The following SND1 variants were observed in gnomAD, a reference collection of about 807,000 sequenced individuals.
SND1 encodes staphylococcal nuclease and tudor domain containing 1, also known as staphylococcal nuclease domain-containing protein 1.
SND1 carries 38 observed loss-of-function variants against 121.7 expected under a neutral mutation model. That is an observed-to-expected ratio of 0.31 (90% CI 0.24 to 0.41). SND1 has a LOEUF of 0.41. Ranked by LOEUF, SND1 falls within the 10% of genes least tolerant of loss-of-function variation. SND1 has a pLI of 1.00. For synonymous variants in SND1, 401 were observed against 447.4 expected (o/e 0.90, Z 1.31); for missense variants, 868 against 1,184.6 (o/e 0.73, Z 3.92).
chr7:128,019,800 T>A (rs1379395980), intron 16 of SND1, among the ~76,000 whole-genome samples: 2 of 152,188 alleles, frequency 1.3e-5, no homozygotes, highest in Non-Finnish European at 2.9e-5. Flanking sequence ...AAGAGAGGAT[T>A]TGAGATGGGA....
intron 11 of SND1, among the ~76,000 whole-genome samples, chr7:127,823,254 A>T (rs1012617295): frequency 3.3e-5 from 5 of 152,138 alleles, no homozygotes; most frequent in Admixed American, 6.5e-5. Flanking sequence ...CCAGTCCAGC[A>T]AGATTACAGT....
chr7:127,919,997 T>C (rs771697325), intron 14 of SND1, among the ~76,000 whole-genome samples: 1 of 152,188 alleles, frequency 6.6e-6, no homozygotes, highest in Non-Finnish European at 1.5e-5. Context: ...TGAACCACTA[T>C]CTCTTATTCC....
intron 12 of SND1, chr7:127,858,356 GC>G: frequency 7.4e-7 from 1 of 1,353,620 alleles, no homozygotes; most frequent in Non-Finnish European, 1.0e-6. Context: ...ATGCCTCAGT[GC>G]CCTAGCCACT....
At chr7:127,898,454 G>A (rs1171037920) in intron 13 of SND1, among the ~76,000 whole-genome samples, 10 of 152,058 alleles carry the variant, frequency 6.6e-5, no homozygotes, top group Admixed American at 6.6e-4. Context: ...CTTATTTTCT[G>A]AGTGGTGCCA....
At chr7:127,677,972 G>A (rs1358198506) in intron 1 of SND1, among the ~76,000 whole-genome samples, 1 of 152,102 alleles carries the variant, frequency 6.6e-6, no homozygotes, top group Non-Finnish European at 1.5e-5. Context: ...CAGATGGTAC[G>A]GTTTAATAAA....
chr7:127,883,974 A>T (rs1479630244), intron 12 of SND1, among the ~76,000 whole-genome samples: 1 of 152,122 alleles, frequency 6.6e-6, no homozygotes, highest in Non-Finnish European at 1.5e-5. Flanking sequence ...CTTTCTAATT[A>T]ATAGATATTT....
At chr7:127,807,357 C>A in intron 10 of SND1, 127 bp from the exon 11 acceptor site, 1 of 690,944 alleles carries the variant, frequency 1.4e-6, no homozygotes, top group Non-Finnish European at 2.5e-6. Flanking sequence ...TATTATGTGT[C>A]TTAACACATT....
At chr7:127,922,199 T>TTTTTGTTTTTTTG (rs1800733768) in intron 14 of SND1, among the ~76,000 whole-genome samples, 1 of 93,500 alleles carries the variant, frequency 1.1e-5, no homozygotes, top group African/African-American at 4.3e-5. Context: ...TTTTTTTTTT[T>TTTTTGTTTTTTTG]TTTTGTTTTG....
Position 128,084,803 on chromosome 7 carries a change from C to T in SND1, c.2190C>T (p.Pro730=). 1 of 1,607,824 alleles carries T rather than the reference C, an allele frequency of 6.2e-7. No individual in the cohort carries two copies. Among genetic ancestry groups the T allele is most frequent in the Non-Finnish European group, 8.5e-7 (1 of 1,175,690 alleles). ...CCCCTGTAGAGGGCTCCTATGCCCC[C>T]CGCAGGGGAGAGTTCTGCATTGCCA... ...SHPPVEGSYA[P]RRGEFCIAKF... Residue 730 remains proline (P), a synonymous_variant, in exon 19 of 24, where the codon CCC becomes CCT. Transcript: ENST00000354725.
intron 16 of SND1, among the ~76,000 whole-genome samples, chr7:128,011,100 TC>T (rs1307121012): frequency 6.6e-6 from 1 of 150,782 alleles, no homozygotes; most frequent in Non-Finnish European, 1.5e-5. Context: ...GCGCACACTG[TC>T]CCCCCCACCC....
rs906011199 is a variant in SND1 at position 127,886,758 on chromosome 7, C to T, written c.1344-1144C>T. 4.7e-5 allele frequency among the ~76,000 whole-genome samples: 7 copies of T among 147,976 alleles called. No individual in the cohort carries two copies. The Admixed American group carries it at 4.8e-4, about 10-fold the overall frequency. ...TATGTATCATTAAGTGTCTGCATAT[C>T]ATTTCCCATTCATCCTTCTCTAGCT... On this transcript the variant is annotated intron_variant, in intron 12 of 23. Transcript: ENST00000354725.
chr7:127,907,949 A>G (rs1189679104), intron 14 of SND1, among the ~76,000 whole-genome samples: 1 of 152,186 alleles, frequency 6.6e-6, no homozygotes, highest in Non-Finnish European at 1.5e-5. Flanking sequence ...GAAGTGACTC[A>G]TCTAAGCACA....
chr7:128,090,357 A>C (rs1230053746), intron 22 of SND1, among the ~76,000 whole-genome samples: 2 of 152,146 alleles, frequency 1.3e-5, no homozygotes, highest in Non-Finnish European at 2.9e-5. Flanking sequence ...CTCTGGATAC[A>C]AGGCAGCCCC....
intron 14 of SND1, among the ~76,000 whole-genome samples, chr7:127,924,106 G>C (rs1259191272): frequency 6.6e-6 from 1 of 151,988 alleles, no homozygotes; most frequent in Non-Finnish European, 1.5e-5. Context: ...GTCAGCCCTG[G>C]TGGGACCAAG....
intron 16 of SND1, among the ~76,000 whole-genome samples, chr7:128,006,001 C>T (rs1482096422): frequency 6.6e-6 from 1 of 152,174 alleles, no homozygotes; most frequent in African/African-American, 2.4e-5. Flanking sequence ...TGAACTGGCT[C>T]TGCTTTTGCC....
chr7:128,060,267 CATG>C (rs1793209230), intron 16 of SND1, among the ~76,000 whole-genome samples: 2 of 152,070 alleles, frequency 1.3e-5, no homozygotes, highest in South Asian at 4.1e-4. Context: ...GATGCAGGAT[CATG>C]ATATCAGGGA....
At chr7:127,717,631 G>T (rs1796413417) in intron 9 of SND1, among the ~76,000 whole-genome samples, 1 of 152,194 alleles carries the variant, frequency 6.6e-6, no homozygotes, top group African/African-American at 2.4e-5. Flanking sequence ...AAAACAGCCA[G>T]ATGTCATGAT....
intron 6 of SND1, 32 bp downstream of exon 6, chr7:127,702,558 T>G: frequency 6.4e-7 from 1 of 1,564,324 alleles, no homozygotes; most frequent in Non-Finnish European, 8.8e-7. Context: ...CGTGGTGGGT[T>G]TAGAGTGTGT....
intron 15 of SND1, among the ~76,000 whole-genome samples, chr7:127,959,028 A>C (rs1162269964): frequency 6.6e-6 from 1 of 152,154 alleles, no homozygotes; most frequent in Non-Finnish European, 1.5e-5. Context: ...TGGAAGCTAC[A>C]TTTGTGTGGG....
Sources: allele counts gnomAD v4.1 joint callset (sites outside exome capture counted in the v4.1 genomes callset), GRCh38; gene constraint gnomAD v4.1.1; transcripts MANE v1.5; gene names NCBI Gene and HGNC (gene_info 2026-07-23, HGNC 2026-07-21).